The following CRB1 variants were observed in gnomAD, a reference collection of about 807,000 sequenced individuals.
CRB1 encodes the protein crumbs cell polarity complex component 1.
A neutral mutation model predicts 120.0 loss-of-function variants in CRB1; 83 were observed. The observed-to-expected ratio is 0.69, with a 90% confidence interval of 0.58 to 0.83. The LOEUF (loss-of-function observed/expected upper bound fraction) is 0.83, where lower values mean the gene tolerates loss of function less well. Ranked by LOEUF, CRB1 falls within the 40% of genes least tolerant of loss-of-function variation. The probability of loss-of-function intolerance (pLI) is 0.00; values close to 1 mark genes in which losing one functional copy is unlikely to be tolerated. For synonymous variants in CRB1, 625 were observed against 612.5 expected, an observed-to-expected ratio of 1.02 and a Z score of -0.30; for missense variants, 1,699 against 1,687.6, an observed-to-expected ratio of 1.01 and a Z score of -0.12.
At chr1:197,228,958 C>T in the CRB1 span, among the ~76,000 whole-genome samples, 22 of 152,120 alleles carry the variant, frequency 1.4e-4, no homozygotes, top group Non-Finnish European at 2.9e-4. Context: ...TTATTCACTA[C>T]CATGAGAACA....
chr1:197,386,471 C>A (rs73071661), intron 5 of CRB1, among the ~76,000 whole-genome samples: 4,207 of 152,216 alleles, frequency 0.028, 196 homozygotes, highest in African/African-American at 0.095. Context: ...CTTAGCAGAG[C>A]TAAAAGTCCC....
At chr1:197,281,754 AT>A (rs1388205986) in intron 1 of CRB1, among the ~76,000 whole-genome samples, 19 of 151,974 alleles carry the variant, frequency 1.3e-4, no homozygotes, top group African/African-American at 3.9e-4. Flanking sequence ...GCGAAGAATG[AT>A]TTCCAGGCCC....
chr1:197,304,522 T>C (rs1571803730), intron 1 of CRB1: 3 of 276,552 alleles, frequency 1.1e-5, no homozygotes, highest in Non-Finnish European at 1.7e-5. Flanking sequence ...GTAGATACTA[T>C]GGGTTGACTT....
chr1:197,462,587 C>G (rs1257614710), intron 11 of CRB1, among the ~76,000 whole-genome samples: 1 of 152,046 alleles, frequency 6.6e-6, no homozygotes, highest in African/African-American at 2.4e-5. Flanking sequence ...GGCAAAGGAG[C>G]CAGTGTGTTT....
chr1:197,457,487 A>T (rs1306978093), intron 11 of CRB1, among the ~76,000 whole-genome samples: 1 of 152,096 alleles, frequency 6.6e-6, no homozygotes, highest in East Asian at 1.9e-4. Flanking sequence ...AAAAGCCTTC[A>T]TTTGTCTGCC....
At chr1:197,220,730 A>C in the CRB1 span, among the ~76,000 whole-genome samples, 1 of 152,180 alleles carries the variant, frequency 6.6e-6, no homozygotes, top group South Asian at 2.1e-4. Context: ...AGAGGTGATT[A>C]GATCATGGGG....
chr1:197,439,864 C>A (rs1349000171), intron 10 of CRB1: 1 of 152,146 alleles, frequency 6.6e-6, no homozygotes, highest in Non-Finnish European at 1.5e-5. Context: ...CACAAAGACA[C>A]AGGTCTTTTG....
At chr1:197,400,962 A>G (rs573709513) in intron 5 of CRB1, among the ~76,000 whole-genome samples, 2 of 152,098 alleles carry the variant, frequency 1.3e-5, no homozygotes, top group East Asian at 1.9e-4. Context: ...GTTTTTCTCT[A>G]TTCTTCCCTT....
chr1:197,380,659 C>T (rs1176588473), intron 5 of CRB1, among the ~76,000 whole-genome samples: 1 of 152,172 alleles, frequency 6.6e-6, no homozygotes, highest in African/African-American at 2.4e-5. Flanking sequence ...CACTTAACTT[C>T]AATCATAGTT....
Position 197,449,700 on chromosome 1 carries a change from C to T in CRB1, c.4005+7408C>T, listed in dbSNP as rs1265593162. On this transcript the variant is annotated intron_variant, in intron 11 of 11. Coordinates refer to ENST00000367400, the MANE Select transcript of CRB1 (RefSeq NM_201253.3). The stretch of plus-strand genomic sequence containing the variant: ...ATTATTTTATTTTGGCAGGCAGTCT[C>T]TTAGCTGAATCAAACTTCTAGTCCT... Among the ~76,000 whole-genome samples, 8 of 152,276 alleles carry T rather than the reference C, an allele frequency of 5.3e-5. No individual in the cohort carries two copies. The South Asian group carries it at 1.7e-3, about 32-fold the overall frequency.
Position 197,268,430 on chromosome 1 carries a change from T to C in CRB1, c.18T>C (p.Ile6=). The change falls in exon 1 of 12, where the codon ATT becomes ATC. Residue 6 remains isoleucine, a synonymous_variant. Coordinates refer to ENST00000367400, the MANE Select transcript of CRB1 (RefSeq NM_201253.3). ...ATAAGACCATGGCACTTAAGAACATTAACTACCTTCTCATCTTCTACCTCA... is the reference window on the plus strand; with the variant it reads ...ATAAGACCATGGCACTTAAGAACATCAACTACCTTCTCATCTTCTACCTCA... MALKN[I]NYLLIFYLSF... The C allele has an allele frequency of 6.2e-7, 1 of 1,612,686 alleles. No individual in the cohort carries two copies.
upstream of CRB1, among the ~76,000 whole-genome samples, chr1:197,263,735 A>G (rs909936815): frequency 2.4e-4 from 36 of 151,544 alleles, no homozygotes; most frequent in East Asian, 6.8e-3. Flanking sequence ...GTGTCTCTTT[A>G]TTGTTCATTC....
At chr1:197,285,548 A>G (rs1655779059) in intron 1 of CRB1, among the ~76,000 whole-genome samples, 1 of 151,906 alleles carries the variant, frequency 6.6e-6, no homozygotes, top group African/African-American at 2.4e-5. Context: ...AGGGAGTAGA[A>G]TGGTAGCAAA....
At chr1:197,289,333 C>G (rs1307372969) in intron 1 of CRB1, among the ~76,000 whole-genome samples, 1 of 151,328 alleles carries the variant, frequency 6.6e-6, no homozygotes, top group East Asian at 2.0e-4. Context: ...TGTCTTTTTT[C>G]TTCTATGGAA....
intron 2 of CRB1, among the ~76,000 whole-genome samples, chr1:197,329,368 A>C (rs1302679941): frequency 3.3e-5 from 5 of 152,140 alleles, no homozygotes; most frequent in African/African-American, 1.2e-4. Flanking sequence ...TGGCACTGCA[A>C]CCTTCTGGGA....
Position 197,347,372 on chromosome 1 carries a change from C to T in CRB1, c.881C>T (p.Thr294Ile). The change falls in exon 4 of 12, where the codon ACA becomes ATA. Residue 294 changes from threonine to isoleucine, a missense_variant. By Grantham distance (89) the Thr-to-Ile change is moderately conservative. Coordinates refer to ENST00000367400, the MANE Select transcript of CRB1 (RefSeq NM_201253.3). ...YSCNCTGSGFTGTHCETLMPL... is the reference protein window; with the variant it reads ...YSCNCTGSGFIGTHCETLMPL... ...TGTAACTGCACGGGTAGTGGATTCA[C>T]AGGGACACACTGTGAGACCTTGATG... 1 of 1,613,958 alleles carries T rather than the reference C, an allele frequency of 6.2e-7. No individual in the cohort carries two copies. The highest frequency in any genetic ancestry group is 8.5e-7 in the Non-Finnish European group (1 of 1,179,858).
At chr1:197,331,777 A>AC (rs1658868797) in intron 2 of CRB1, among the ~76,000 whole-genome samples, 1 of 152,354 alleles carries the variant, frequency 6.6e-6, no homozygotes, top group East Asian at 1.9e-4. Flanking sequence ...TTTGTAAAAA[A>AC]AACACAGCTT....
the CRB1 span, among the ~76,000 whole-genome samples, chr1:197,239,871 A>C: frequency 6.7e-6 from 1 of 148,716 alleles, no homozygotes; most frequent in Non-Finnish European, 1.5e-5. Flanking sequence ...CTTATTGTAT[A>C]TTATTTATAT....
chr1:197,287,551 C>T (rs1225294857), intron 1 of CRB1, among the ~76,000 whole-genome samples: 1 of 151,872 alleles, frequency 6.6e-6, no homozygotes, highest in Non-Finnish European at 1.5e-5. Context: ...GTAACGGGAT[C>T]CCTGATGGAT....
Sources: allele counts gnomAD v4.1 joint callset (sites outside exome capture counted in the v4.1 genomes callset), GRCh38; gene constraint gnomAD v4.1.1; transcripts MANE v1.5; gene names NCBI Gene and HGNC (gene_info 2026-07-23, HGNC 2026-07-21).